The following EVI5 variants were observed in gnomAD, a reference collection of about 807,000 sequenced individuals.
EVI5 encodes ecotropic viral integration site 5 protein homolog.
In EVI5, 73 loss-of-function variants were observed where a neutral mutation model predicts 112.0. The ratio of observed to expected loss-of-function variants is 0.65; its 90% CI spans 0.54 to 0.79. The LOEUF (loss-of-function observed/expected upper bound fraction) is 0.79, where lower values mean the gene tolerates loss of function less well. Among genes scored for constraint, EVI5 ranks in the 30% least tolerant of loss-of-function variants. The pLI is 0.00. For synonymous variants in EVI5, 305 were observed against 319.9 expected, an observed-to-expected ratio of 0.95 and a Z score of 0.50; for missense variants, 900 against 968.8, an observed-to-expected ratio of 0.93 and a Z score of 0.94.
chr1:92,541,857 G>A (rs1026176895), intron 19 of EVI5, among the ~76,000 whole-genome samples: 2 of 152,126 alleles, frequency 1.3e-5, no homozygotes, highest in African/African-American at 4.8e-5. Context: ...TAAAAACAAT[G>A]TATATACCTT....
At chr1:92,724,368 G>A (rs965067248) in intron 2 of EVI5, among the ~76,000 whole-genome samples, 3 of 152,066 alleles carry the variant, frequency 2.0e-5, no homozygotes, top group Non-Finnish European at 4.4e-5. Flanking sequence ...TGGTTCCTCC[G>A]ATACCATGCC....
In EVI5 at chr1:92,677,202, T is replaced by C. The variant is rs368268624; in HGVS notation, c.1114A>G (p.Thr372Ala). 6.3e-7 allele frequency: 1 copy of C among 1,579,826 alleles called. No homozygotes were observed. Among genetic ancestry groups the C allele is most frequent in the Non-Finnish European group, 8.6e-7 (1 of 1,156,326 alleles). The change falls in exon 10 of 20, where the codon ACT (threonine) becomes GCT (alanine). Residue 372 changes from threonine (T) to alanine (A), a missense_variant. Transcript: ENST00000684568. Reference sequence around the variant, plus strand: ...TCCATTTCTTTCGTTTTTATTGTAGTGTATTCCTTTTCAAGCCTAAGAAAG... The same window carrying C: ...TCCATTTCTTTCGTTTTTATTGTAGCGTATTCCTTTTCAAGCCTAAGAAAG... Reference protein sequence around the residue: ...KKMKKLEKEYTTIKTKEMEEQ... With the variant: ...KKMKKLEKEYATIKTKEMEEQ...
intron 2 of EVI5, among the ~76,000 whole-genome samples, chr1:92,724,726 C>T (rs948403637): frequency 1.3e-5 from 2 of 151,884 alleles, no homozygotes; most frequent in African/African-American, 4.8e-5. Context: ...AAGGATCACC[C>T]GAGCCCAGGA....
intron 9 of EVI5, among the ~76,000 whole-genome samples, chr1:92,692,111 T>C (rs1669587223): frequency 6.6e-6 from 1 of 152,162 alleles, no homozygotes; most frequent in South Asian, 2.1e-4. Context: ...AGAAGGCTTT[T>C]AAACCTCAAT....
intron 18 of EVI5, among the ~76,000 whole-genome samples, chr1:92,566,952 G>A (rs922045186): frequency 2.6e-5 from 4 of 151,702 alleles, no homozygotes; most frequent in East Asian, 1.9e-4. Context: ...GACTACAGAC[G>A]CACACCACCA....
chr1:92,653,351 A>G (rs1046253344), intron 13 of EVI5, among the ~76,000 whole-genome samples: 1 of 152,214 alleles, frequency 6.6e-6, no homozygotes, highest in Non-Finnish European at 1.5e-5. Flanking sequence ...ACCCACTGGG[A>G]CAAAGGAAAC....
At chr1:92,668,242 T>C (rs1006384762) in intron 10 of EVI5, among the ~76,000 whole-genome samples, 2 of 152,176 alleles carry the variant, frequency 1.3e-5, no homozygotes, top group Admixed American at 6.5e-5. Flanking sequence ...TGATCTGAAA[T>C]AGACATTATG....
intron 1 of EVI5, among the ~76,000 whole-genome samples, chr1:92,740,329 C>A (rs1381745708): frequency 6.6e-6 from 1 of 152,176 alleles, no homozygotes; most frequent in Non-Finnish European, 1.5e-5. Flanking sequence ...GAGACTTTTC[C>A]ACCACCACAC....
chr1:92,684,648 C>T (rs4480368), intron 9 of EVI5, among the ~76,000 whole-genome samples: 87,238 of 151,774 alleles, frequency 0.57, 26,836 homozygotes, highest in East Asian at 0.92. Context: ...GTGCTGTATT[C>T]AGGAGACCCA....
intron 19 of EVI5, among the ~76,000 whole-genome samples, chr1:92,529,926 A>G (rs983817085): frequency 3.3e-5 from 5 of 152,204 alleles, no homozygotes; most frequent in Non-Finnish European, 7.3e-5. Context: ...TTTCATAAAT[A>G]TTGTACTTAT....
chr1:92,743,370 A>T (rs1678735999), intron 1 of EVI5, among the ~76,000 whole-genome samples: 1 of 152,154 alleles, frequency 6.6e-6, no homozygotes, highest in Non-Finnish European at 1.5e-5. Flanking sequence ...AAGGGAAGGA[A>T]ATTCTGACAT....
intron 2 of EVI5, among the ~76,000 whole-genome samples, chr1:92,715,218 G>C (rs562360481): frequency 3.4e-4 from 51 of 151,774 alleles, no homozygotes; most frequent in African/African-American, 1.2e-3. Context: ...ATATTGGTCA[G>C]GGCTGGTATC....
Position 92,693,898 on chromosome 1 carries a change from T to G in EVI5, c.1001A>C (p.His334Pro). The G allele has an allele frequency of 6.5e-7, 1 of 1,549,456 alleles. No homozygotes were observed. The highest frequency in any genetic ancestry group is 8.9e-7 in the Non-Finnish European group (1 of 1,128,384). ...CTGATGTGGAATGACCTTTTGAAAGTGCTAAGATACAATTAAAAAAAAAAC... is the reference window on the plus strand; with the variant it reads ...CTGATGTGGAATGACCTTTTGAAAGGGCTAAGATACAATTAAAAAAAAAAC... Reference protein sequence around the residue: ...MQLDMEGMLQHFQKVIPHQFD... With the variant: ...MQLDMEGMLQPFQKVIPHQFD... Residue 334 changes from histidine to proline, a missense_variant and splice_region_variant, in exon 9 of 20, where the codon CAC (histidine) becomes CCC (proline). Coordinates refer to ENST00000684568, the MANE Select transcript of EVI5 (RefSeq NM_001350197.2).
chr1:92,678,435 G>A (rs1486913006), intron 9 of EVI5, among the ~76,000 whole-genome samples: 1 of 152,232 alleles, frequency 6.6e-6, no homozygotes, highest in East Asian at 1.9e-4. Flanking sequence ...AGAGGCTGAG[G>A]TGGGAGGATT....
At chr1:92,710,760 G>T (rs1570509529) in intron 2 of EVI5, among the ~76,000 whole-genome samples, 1 of 150,886 alleles carries the variant, frequency 6.6e-6, no homozygotes, top group Admixed American at 6.6e-5. Flanking sequence ...GGTTGGGGGG[G>T]GGGTGCCAAT....
At chr1:92,753,044 G>A (rs1431508813) in intron 1 of EVI5, among the ~76,000 whole-genome samples, 1 of 151,960 alleles carries the variant, frequency 6.6e-6, no homozygotes, top group Non-Finnish European at 1.5e-5. Context: ...ATTTGATAGG[G>A]TGGATAAGGA....
intron 18 of EVI5, among the ~76,000 whole-genome samples, chr1:92,573,399 T>TAAA (rs1357530598): frequency 6.6e-6 from 1 of 152,128 alleles, no homozygotes; most frequent in Non-Finnish European, 1.5e-5. Flanking sequence ...ATGCTAATAA[T>TAAA]AAATGCTTTT....
intron 18 of EVI5, among the ~76,000 whole-genome samples, chr1:92,590,182 A>C (rs1197510601): frequency 6.6e-6 from 1 of 152,200 alleles, no homozygotes; most frequent in Non-Finnish European, 1.5e-5. Context: ...GAGCAGAAAA[A>C]CTGAAAATTC....
rs1023151051 is a variant in EVI5 at position 92,702,338 on chromosome 1, G to T, written c.565-123C>A. 3 of 573,264 alleles carry T rather than the reference G, an allele frequency of 5.2e-6. No homozygotes were observed. In the South Asian group the frequency reaches 6.2e-5, roughly 12 times the overall value. 35.5% of individuals were successfully genotyped at this position (573,264 alleles called of 1,614,324 possible). A position where few individuals can be genotyped will look rare whatever the true frequency, so the allele number is the denominator to read the frequency against. On this transcript the variant is annotated intron_variant, in intron 4 of 19. Coordinates refer to ENST00000684568, the MANE Select transcript of EVI5 (RefSeq NM_001350197.2). ...TTATTTTTGAGAAAAGCTCTTGCTT[G>T]CTTGTTATAGATGTTATCCTATACA...
Sources: allele counts gnomAD v4.1 joint callset (sites outside exome capture counted in the v4.1 genomes callset), GRCh38; gene constraint gnomAD v4.1.1; transcripts MANE v1.5; gene names NCBI Gene and HGNC (gene_info 2026-07-23, HGNC 2026-07-21).